SPECC1L: variants seen among roughly 807,000 people sequenced by gnomAD.
SPECC1L encodes cytospin-A.
A neutral mutation model predicts 116.8 loss-of-function variants in SPECC1L; 40 were observed. The observed-to-expected ratio is 0.34, with a 90% CI of 0.27 to 0.45. SPECC1L has a LOEUF of 0.45. Ranked by LOEUF, SPECC1L falls within the 20% of genes least tolerant of loss-of-function variation. The pLI, the probability that SPECC1L is intolerant of heterozygous loss-of-function variation, is 1.00. For synonymous variants in SPECC1L, 504 were observed against 500.6 expected, an observed-to-expected ratio of 1.01 and a Z score of -0.09; for missense variants, 1,110 against 1,373.6, an observed-to-expected ratio of 0.81 and a Z score of 3.03.
At chr22:24,344,606 A>G (rs919237105) in intron 10 of SPECC1L, among the ~76,000 whole-genome samples, 3 of 140,004 alleles carry the variant, frequency 2.1e-5, no homozygotes, top group Non-Finnish European at 4.4e-5. Context: ...AAAAAAAAAA[A>G]AAAAGAAAGA....
chr22:24,300,721 T>A (rs2049360355), intron 2 of SPECC1L, among the ~76,000 whole-genome samples: 1 of 151,666 alleles, frequency 6.6e-6, no homozygotes, highest in Non-Finnish European at 1.5e-5. Context: ...TCTCAGATGA[T>A]CAGTGATGTT....
intron 2 of SPECC1L, among the ~76,000 whole-genome samples, chr22:24,282,109 G>A (rs760036876): frequency 6.6e-6 from 1 of 152,202 alleles, no homozygotes; most frequent in East Asian, 1.9e-4. Flanking sequence ...CCGTTCCTGG[G>A]TGGGGGCCAC....
chr22:24,282,967 G>A lies in SPECC1L; in HGVS notation c.-38+6164G>A, dbSNP rs191361412. Among the ~76,000 whole-genome samples the A allele has an allele frequency of 3.5e-3, 525 of 151,894 alleles. 1 individual carries two copies. Among genetic ancestry groups the A allele is most frequent in the Non-Finnish European group, 6.6e-3 (445 of 67,928 alleles). On this transcript the variant is annotated intron_variant, in intron 2 of 16. Transcript: ENST00000314328. Reference sequence around the variant, plus strand: ...TAATTTTTGTATTATTAGTAGAGGCGGGGTTTCACCATGTTGGCCAGGCTG... The same window carrying A: ...TAATTTTTGTATTATTAGTAGAGGCAGGGTTTCACCATGTTGGCCAGGCTG...
chr22:24,346,356 A>G (rs1483075525), intron 10 of SPECC1L, among the ~76,000 whole-genome samples: 2 of 152,188 alleles, frequency 1.3e-5, no homozygotes, highest in African/African-American at 2.4e-5. Context: ...CGATGATGCC[A>G]GTGACAAGCC....
At chr22:24,334,223 A>G (rs1442027432) in intron 8 of SPECC1L, among the ~76,000 whole-genome samples, 187 bp from the exon 9 acceptor site, 1 of 151,850 alleles carries the variant, frequency 6.6e-6, no homozygotes, top group African/African-American at 2.4e-5. Flanking sequence ...CGTGTTAGCC[A>G]AGATGGTCTC....
intron 3 of SPECC1L, among the ~76,000 whole-genome samples, chr22:24,312,900 C>T (rs2040489442): frequency 6.6e-6 from 1 of 152,170 alleles, no homozygotes; most frequent in Non-Finnish European, 1.5e-5. Flanking sequence ...CTTTTAGATA[C>T]TGGCCTCATC....
intron 14 of SPECC1L, among the ~76,000 whole-genome samples, chr22:24,397,621 T>A (rs1203546865): frequency 6.6e-6 from 1 of 152,230 alleles, no homozygotes; most frequent in Non-Finnish European, 1.5e-5. Flanking sequence ...TCTTTTTGCT[T>A]TGTATTAAAT....
intron 3 of SPECC1L, among the ~76,000 whole-genome samples, chr22:24,306,846 ACTTT>A (rs967318794): frequency 7.9e-5 from 12 of 152,144 alleles, no homozygotes; most frequent in African/African-American, 2.7e-4. Context: ...CCACCATTCT[ACTTT>A]CTGTCTCTAT....
intron 14 of SPECC1L, among the ~76,000 whole-genome samples, chr22:24,369,841 A>C (rs1253862096): frequency 1.3e-5 from 2 of 152,196 alleles, no homozygotes; most frequent in Non-Finnish European, 2.9e-5. Flanking sequence ...AGTTACGTTA[A>C]ATATAACTTT....
chr22:24,313,636 T>C (rs1391071615), intron 4 of SPECC1L, among the ~76,000 whole-genome samples, 170 bp downstream of exon 4: 2 of 152,208 alleles, frequency 1.3e-5, no homozygotes, highest in African/African-American at 4.8e-5. Context: ...TCATAGCCAG[T>C]TGTAACTCCT....
At chr22:24,327,176 G>T (rs961129257) in intron 6 of SPECC1L, among the ~76,000 whole-genome samples, 2 of 151,048 alleles carry the variant, frequency 1.3e-5, no homozygotes, top group African/African-American at 2.4e-5. Flanking sequence ...TCCACAGGAG[G>T]CTGAGGCAGG....
At chr22:24,405,753 T>G (rs1249802122) in intron 14 of SPECC1L, among the ~76,000 whole-genome samples, 1 of 151,572 alleles carries the variant, frequency 6.6e-6, no homozygotes, top group Non-Finnish European at 1.5e-5. Flanking sequence ...TGCAGAGAAT[T>G]GCTTGAACCC....
chr22:24,387,020 G>A (rs546427948), intron 14 of SPECC1L, among the ~76,000 whole-genome samples: 20 of 152,226 alleles, frequency 1.3e-4, no homozygotes, highest in Admixed American at 7.8e-4. Context: ...CCAAGTGTTG[G>A]CAAGGAAGCA....
rs897164166 is a variant in SPECC1L, at chr22:24,353,737, G to A, written c.2743+6561G>A. On this transcript the variant is annotated intron_variant, in intron 11 of 16. Transcript: ENST00000314328. Reference sequence around the variant, plus strand: ...TTTATGTTTTAATGGAAGGGATACTGCAGAGGTGATGTGTCCTTTTCAAGT... The same window carrying A: ...TTTATGTTTTAATGGAAGGGATACTACAGAGGTGATGTGTCCTTTTCAAGT... Among the ~76,000 whole-genome samples, 3 of 152,114 alleles carry A rather than the reference G, an allele frequency of 2.0e-5. No individual in the cohort carries two copies. The South Asian group carries it at 6.2e-4, about 32-fold the overall frequency.
chr22:24,344,764 A>T (rs2041255987), intron 10 of SPECC1L, among the ~76,000 whole-genome samples: 1 of 152,198 alleles, frequency 6.6e-6, no homozygotes, highest in African/African-American at 2.4e-5. Flanking sequence ...TACAAAAGTT[A>T]TTTGTTTTTC....
intron 2 of SPECC1L, among the ~76,000 whole-genome samples, chr22:24,295,999 ATC>A (rs1373853868): frequency 1.3e-5 from 2 of 152,206 alleles, no homozygotes; most frequent in Non-Finnish European, 1.5e-5. Context: ...AAGTAGACAA[ATC>A]TAGAAGGGGC....
chr22:24,356,564 G>A (rs1456758163), intron 11 of SPECC1L, among the ~76,000 whole-genome samples: 1 of 152,020 alleles, frequency 6.6e-6, no homozygotes, highest in Non-Finnish European at 1.5e-5. Context: ...TAGATTTAAA[G>A]TAAGTTTCTT....
chr22:24,275,501 A>G (rs1352140552), intron 1 of SPECC1L, among the ~76,000 whole-genome samples: 16 of 150,600 alleles, frequency 1.1e-4, no homozygotes, highest in Non-Finnish European at 8.8e-5. Context: ...TGTGGAAGGA[A>G]TGTACATTTG....
At chr22:24,350,136 T>A (rs2041392615) in intron 11 of SPECC1L, among the ~76,000 whole-genome samples, 1 of 152,134 alleles carries the variant, frequency 6.6e-6, no homozygotes, top group Non-Finnish European at 1.5e-5. Flanking sequence ...TGGAACCCTC[T>A]GCCTGGAACA....
Sources: allele counts gnomAD v4.1 joint callset (sites outside exome capture counted in the v4.1 genomes callset), GRCh38; gene constraint gnomAD v4.1.1; transcripts MANE v1.5; gene names NCBI Gene and HGNC (gene_info 2026-07-23, HGNC 2026-07-21).